The following HSPA12A variants were observed in gnomAD, a reference collection of about 807,000 sequenced individuals.
HSPA12A encodes the protein heat shock protein family A (Hsp70) member 12A, also known as heat shock 70 kDa protein 12A.
A neutral mutation model predicts 69.2 loss-of-function variants in HSPA12A; 28 were observed. That is an observed-to-expected ratio of 0.40 (90% CI 0.30 to 0.55). The LOEUF is 0.55. Among genes scored for constraint, HSPA12A ranks in the 20% least tolerant of loss-of-function variants. The pLI, the probability that HSPA12A is intolerant of heterozygous loss-of-function variation, is 0.38. For missense variants in HSPA12A, 686 were observed against 900.7 expected (o/e 0.76, Z 3.05); for synonymous variants, 345 against 370.5 (o/e 0.93, Z 0.79).
chr10:116,813,797 T>C (rs1054451943), intron 2 of HSPA12A, among the ~76,000 whole-genome samples: 16 of 152,076 alleles, frequency 1.1e-4, no homozygotes, highest in African/African-American at 3.6e-4. Flanking sequence ...GGTAAGGGAA[T>C]CACTTGACCC....
At chr10:116,737,971 G>T (rs1554886588) in intron 1 of HSPA12A, among the ~76,000 whole-genome samples, 3 of 152,188 alleles carry the variant, frequency 2.0e-5, no homozygotes, top group Non-Finnish European at 4.4e-5. Context: ...AGGCCTGGGG[G>T]TGCCCGCAGT....
intron 1 of HSPA12A, among the ~76,000 whole-genome samples, chr10:116,730,460 G>A (rs1373179335): frequency 3.3e-5 from 5 of 152,218 alleles, no homozygotes; most frequent in Admixed American, 3.3e-4. Context: ...TCCCAGGCAT[G>A]GGGTGTTGAG....
chr10:116,809,755 G>C (rs1208348105), intron 2 of HSPA12A, among the ~76,000 whole-genome samples: 1 of 152,220 alleles, frequency 6.6e-6, no homozygotes, highest in Admixed American at 6.5e-5. Flanking sequence ...CCCCACTACT[G>C]CATCTGCTCC....
At chr10:116,693,108 A>G (rs1849782258) in intron 5 of HSPA12A, among the ~76,000 whole-genome samples, 1 of 152,164 alleles carries the variant, frequency 6.6e-6, no homozygotes, top group African/African-American at 2.4e-5. Context: ...GTGGTCCCAT[A>G]GGTAAACAGT....
rs1850065371 is a variant in HSPA12A at position 116,701,047 on chromosome 10, T to G, written c.337A>C (p.Ser113Arg). 1 of 1,614,012 alleles carries G rather than the reference T, an allele frequency of 6.2e-7. No individual in the cohort carries two copies. Among genetic ancestry groups the G allele is most frequent in the African/African-American group, 1.3e-5 (1 of 74,918 alleles). Residue 113 changes from serine to arginine, a missense_variant, in exon 4 of 12, where the codon AGC becomes CGC. Coordinates refer to ENST00000369209, the MANE Select transcript of HSPA12A (RefSeq NM_025015.3). Reference sequence around the variant, plus strand: ...AAGTCCCTGGCGGCATACCCGAAGCTGTGGAACTTCCTCTCGGGAGTCAGC... The same window carrying G: ...AAGTCCCTGGCGGCATACCCGAAGCGGTGGAACTTCCTCTCGGGAGTCAGC... The part of the protein sequence containing the change: ...ILLTPERKFH[S>R]FGYAARDFYH...
At chr10:116,825,932 G>A (rs1434905052) in intron 2 of HSPA12A, among the ~76,000 whole-genome samples, 1 of 152,188 alleles carries the variant, frequency 6.6e-6, no homozygotes, top group Non-Finnish European at 1.5e-5. Flanking sequence ...AACAGGCTGT[G>A]AAACCACATC....
intron 1 of HSPA12A, among the ~76,000 whole-genome samples, chr10:116,727,597 C>T (rs1019676807): frequency 2.0e-5 from 3 of 152,048 alleles, no homozygotes; most frequent in Non-Finnish European, 4.4e-5. Flanking sequence ...GGTGTAAAGG[C>T]GATAGACATT....
intron 2 of HSPA12A, among the ~76,000 whole-genome samples, chr10:116,776,511 T>G (rs1665663): frequency 2.0e-5 from 3 of 151,640 alleles, no homozygotes; most frequent in Non-Finnish European, 2.9e-5. Flanking sequence ...ATTCAGAAAA[T>G]TTTTTTTTTC....
At chr10:116,806,596 AT>A (rs371237066) in intron 2 of HSPA12A, among the ~76,000 whole-genome samples, 224 of 152,248 alleles carry the variant, frequency 1.5e-3, no homozygotes, top group African/African-American at 5.2e-3. Flanking sequence ...GATATGAATC[AT>A]TTTTTGACAC....
intron 2 of HSPA12A, among the ~76,000 whole-genome samples, chr10:116,778,934 A>AAAC (rs1228053524): frequency 6.6e-6 from 1 of 152,140 alleles, no homozygotes; most frequent in African/African-American, 2.4e-5. Context: ...CCCTGTCTCA[A>AAAC]AACAACAACA....
chr10:116,745,131 G>A (rs376894339), upstream of HSPA12A, among the ~76,000 whole-genome samples: 177 of 152,270 alleles, frequency 1.2e-3, no homozygotes, highest in Middle Eastern at 3.4e-3. Context: ...CTGCTGCCTC[G>A]CCCCCACTGG....
At chr10:116,687,880 C>T (rs1157915536) in intron 6 of HSPA12A, among the ~76,000 whole-genome samples, 7 of 152,256 alleles carry the variant, frequency 4.6e-5, no homozygotes, top group African/African-American at 7.2e-5. Context: ...CAGTCCTATA[C>T]GCCAAGCTTG....
chr10:116,820,633 G>T (rs1845394668), intron 2 of HSPA12A, among the ~76,000 whole-genome samples: 1 of 151,936 alleles, frequency 6.6e-6, no homozygotes, highest in South Asian at 2.1e-4. Flanking sequence ...TCATTGCTGT[G>T]GCTCTGAATG....
At position 116,817,814 on chromosome 10, in the gene HSPA12A, C is replaced by A. The variant is rs112601390; in HGVS notation, c.91+17121G>T. ...AATGTGGGTCAGTCAAGATAAGCTG[C>A]AAACATGAAGATGATACAAGACCAT... On this transcript the variant is annotated intron_variant, in intron 2 of 12. Coordinates refer to the HSPA12A transcript ENST00000635765. Among the ~76,000 whole-genome samples, 1,499 of 152,288 alleles carry A rather than the reference C, an allele frequency of 9.8e-3. 21 individuals carry two copies. The highest frequency in any genetic ancestry group is 0.034 in the African/African-American group (1,394 of 41,552).
At chr10:116,744,037 C>T (rs1851590285), upstream of HSPA12A, among the ~76,000 whole-genome samples, 2 of 152,206 alleles carry the variant, frequency 1.3e-5, no homozygotes, top group South Asian at 4.1e-4. Flanking sequence ...GAGGGCCCTT[C>T]CTGCCTACGT....
upstream of HSPA12A, among the ~76,000 whole-genome samples, chr10:116,742,741 C>T (rs1400323169): frequency 2.0e-5 from 3 of 151,696 alleles, no homozygotes; most frequent in Non-Finnish European, 4.4e-5. Context: ...GCGCTCCCCG[C>T]CCGCCCAGAG....
intron 2 of HSPA12A, among the ~76,000 whole-genome samples, chr10:116,797,555 A>G (rs966635678): frequency 1.3e-5 from 2 of 152,316 alleles, no homozygotes; most frequent in East Asian, 1.9e-4. Context: ...CTGGAATGTG[A>G]ACCCACGTCT....
chr10:116,782,854 G>A (rs1265612598), intron 2 of HSPA12A, among the ~76,000 whole-genome samples: 7 of 152,108 alleles, frequency 4.6e-5, no homozygotes, highest in South Asian at 2.1e-4. Context: ...CAACAAAATC[G>A]CTGAGTAGAC....
At chr10:116,732,929 C>T (rs1554886012) in intron 1 of HSPA12A, among the ~76,000 whole-genome samples, 2 of 152,084 alleles carry the variant, frequency 1.3e-5, no homozygotes, top group East Asian at 1.9e-4. Flanking sequence ...GCAGTCTCTT[C>T]CCCTCCCTGA....
Sources: allele counts gnomAD v4.1 joint callset (sites outside exome capture counted in the v4.1 genomes callset), GRCh38; gene constraint gnomAD v4.1.1; transcripts MANE v1.5; gene names NCBI Gene and HGNC (gene_info 2026-07-23, HGNC 2026-07-21).